Variants in AP2A2 observed in about 807,000 individuals in gnomAD.
The protein encoded by AP2A2 is AP-2 complex subunit alpha-2.
AP2A2 carries 32 observed loss-of-function variants against 104.2 expected under a neutral mutation model. That is an observed-to-expected ratio of 0.31 (90% CI 0.23 to 0.41). The LOEUF (loss-of-function observed/expected upper bound fraction) is 0.41, where lower values mean the gene tolerates loss of function less well. Ranked by LOEUF, AP2A2 falls within the 10% of genes least tolerant of loss-of-function variation. The pLI is 1.00. For missense variants in AP2A2, 912 were observed against 1,261.0 expected, an observed-to-expected ratio of 0.72 and a Z score of 4.19; for synonymous variants, 539 against 533.3, an observed-to-expected ratio of 1.01 and a Z score of -0.15.
At chr11:982,024 G>T (rs1313812032) in intron 6 of AP2A2, among the ~76,000 whole-genome samples, 1 of 152,234 alleles carries the variant, frequency 6.6e-6, no homozygotes, top group Admixed American at 6.5e-5. Context: ...AGTCATCTGG[G>T]TGTATAGTGG....
At chr11:990,240 G>T (rs950085626) in intron 10 of AP2A2, among the ~76,000 whole-genome samples, 9 of 152,346 alleles carry the variant, frequency 5.9e-5, no homozygotes, top group Middle Eastern at 3.4e-3. Flanking sequence ...ACAGGGACGG[G>T]GTGGGCTGAC....
At chr11:946,170 C>A (rs572376696) in intron 1 of AP2A2, among the ~76,000 whole-genome samples, 18 of 152,306 alleles carry the variant, frequency 1.2e-4, no homozygotes, top group African/African-American at 4.3e-4. Flanking sequence ...GAGCTTTTAT[C>A]TGTGAACAAC....
At chr11:928,002 G>A (rs1853173944) in intron 1 of AP2A2, among the ~76,000 whole-genome samples, 1 of 152,140 alleles carries the variant, frequency 6.6e-6, no homozygotes, top group South Asian at 2.1e-4. Context: ...GCGCTATGAT[G>A]TCTGTCCTTC....
At chr11:939,029 G>A (rs1486735814) in intron 1 of AP2A2, among the ~76,000 whole-genome samples, 1 of 151,862 alleles carries the variant, frequency 6.6e-6, no homozygotes, top group Admixed American at 6.6e-5. Flanking sequence ...CGAGGCGGGT[G>A]GATCACGAGG....
chr11:1,009,070 GTCTCTT>G (rs1856309830), intron 18 of AP2A2, 24 bp from the exon 19 acceptor site: 2 of 1,565,916 alleles, frequency 1.3e-6, no homozygotes, highest in Non-Finnish European at 1.8e-6. Context: ...GTAGCTGACT[GTCTCTT>G]TCTGCTGCTG....
chr11:933,415 T>C (rs1853352220), intron 1 of AP2A2: 4 of 413,468 alleles, frequency 9.7e-6, no homozygotes, highest in East Asian at 1.4e-4. Flanking sequence ...AAAGCTGAGC[T>C]GGTTGAAACG....
Position 1,006,151 on chromosome 11 carries a change from C to T in AP2A2, c.2207-377C>T, listed in dbSNP as rs1212892644. On this transcript the variant is annotated intron_variant, in intron 16 of 21. Transcript: ENST00000448903. ...CCGGCAGAGGCCTGTGTGATTGTGG[C>T]GTCCCTGGAAAAGATGCTTGGCAGG... 3.3e-5 allele frequency among the ~76,000 whole-genome samples: 5 copies of T among 152,194 alleles called. No individual in the cohort carries two copies. In the East Asian group the frequency reaches 7.7e-4, roughly 24 times the overall value.
Position 1,003,884 on chromosome 11 carries a change from T to C in AP2A2, c.2206+80T>C. On this transcript the variant is annotated intron_variant, in intron 16 of 21. Transcript: ENST00000448903. ...AGAAAATATTTGCAAATCATATACTTATAAGGGATAGATATCCAGAATATA... is the reference window on the plus strand; with the variant it reads ...AGAAAATATTTGCAAATCATATACTCATAAGGGATAGATATCCAGAATATA... 4.4e-6 allele frequency: 4 copies of C among 906,964 alleles called. No homozygotes were observed. The South Asian group carries it at 5.3e-5, about 12-fold the overall frequency. 56.2% of individuals were successfully genotyped at this position (906,964 alleles called of 1,614,324 possible).
chr11:975,376 T>TA (rs1445613891), intron 4 of AP2A2, among the ~76,000 whole-genome samples: 29 of 145,748 alleles, frequency 2.0e-4, no homozygotes, highest in Non-Finnish European at 2.4e-4. Context: ...GTCTCCCTCT[T>TA]ACGAGCCGAC....
intron 2 of AP2A2, among the ~76,000 whole-genome samples, chr11:963,780 G>T (rs554004030): frequency 6.6e-6 from 1 of 152,160 alleles, no homozygotes; most frequent in Non-Finnish European, 1.5e-5. Context: ...GCACCACCAC[G>T]CCTGGCTAAC....
intron 1 of AP2A2, among the ~76,000 whole-genome samples, chr11:952,370 C>G (rs772049494): frequency 2.6e-5 from 4 of 152,198 alleles, no homozygotes; most frequent in Non-Finnish European, 4.4e-5. Flanking sequence ...CATTAACCAG[C>G]ATGCTGTTCC....
Position 935,423 on chromosome 11 carries a change from C to A in AP2A2, c.67+9335C>A, listed in dbSNP as rs368597357. On this transcript the variant is annotated intron_variant, in intron 1 of 21. Coordinates refer to ENST00000448903, the MANE Select transcript of AP2A2 (RefSeq NM_012305.4). ...CCTCAAGCAATCCACCCACCTCGGC[C>A]TCTCAAAGTGCTGGGATTACAGGCA... Among the ~76,000 whole-genome samples, 8 of 151,948 alleles carry A rather than the reference C, an allele frequency of 5.3e-5. No individual in the cohort carries two copies. The East Asian group carries it at 9.7e-4, about 18-fold the overall frequency.
At chr11:981,129 T>C in intron 5 of AP2A2, 69 bp from the exon 6 acceptor site, 1 of 1,386,430 alleles carries the variant, frequency 7.2e-7, no homozygotes, top group South Asian at 1.3e-5. Context: ...AAGGTTTTCT[T>C]TGGAAGATGA....
chr11:993,814 C>A lies in AP2A2; in HGVS notation c.1611C>A (p.Arg537=), dbSNP rs199926214. The A allele has an allele frequency of 1.2e-6, 2 of 1,607,960 alleles. No individual in the cohort carries two copies. ...TCCACCTGTGCAGCGTCCCCACCCG[C>A]GCGCTGCTCCTGTCCACCTACATCA... is the stretch of plus-strand genomic sequence containing the variant. ...SKFHLCSVPT[R]ALLLSTYIKF... Residue 537 remains arginine (R), a synonymous_variant, in exon 13 of 22, where the codon CGC becomes CGA. Coordinates refer to ENST00000448903, the MANE Select transcript of AP2A2 (RefSeq NM_012305.4). The surrounding 1 kb of genome is among the most constrained non-coding windows in gnomAD (Gnocchi z 8.2).
Position 935,544 on chromosome 11 carries a change from C to T in AP2A2, c.67+9456C>T, listed in dbSNP as rs558499098. Reference sequence around the variant, plus strand: ...CTTGAACTCCTGACCTCAAGTGATGCGCCTGCCTTGGGCCCCCAAAGTGTT... The same window carrying T: ...CTTGAACTCCTGACCTCAAGTGATGTGCCTGCCTTGGGCCCCCAAAGTGTT... On this transcript the variant is annotated intron_variant, in intron 1 of 21. Coordinates refer to ENST00000448903, the MANE Select transcript of AP2A2 (RefSeq NM_012305.4). Among the ~76,000 whole-genome samples, 14 of 149,604 alleles carry T rather than the reference C, an allele frequency of 9.4e-5. No individual in the cohort carries two copies. The East Asian group carries it at 1.8e-3, about 19-fold the overall frequency.
intron 4 of AP2A2, among the ~76,000 whole-genome samples, chr11:975,383 C>T (rs951738019): frequency 5.2e-5 from 6 of 114,462 alleles, no homozygotes; most frequent in East Asian, 2.5e-4. Flanking sequence ...TCTTACGAGC[C>T]GACATTAGTG....
chr11:1,003,697 A>T (rs1319668151), intron 15 of AP2A2, 25 bp from the exon 16 acceptor site: 2 of 1,544,508 alleles, frequency 1.3e-6, no homozygotes, highest in African/African-American at 2.7e-5. Context: ...TTTGAGTGAC[A>T]CATATACTGT....
At chr11:1,006,444 G>T (rs1323056302) in intron 16 of AP2A2, 84 bp from the exon 17 acceptor site, 2 of 941,568 alleles carry the variant, frequency 2.1e-6, no homozygotes, top group Non-Finnish European at 3.4e-6. Context: ...GCTGAAGATT[G>T]TGGGGGGCTC....
chr11:1,003,079 A>C (rs1281666177), intron 15 of AP2A2, among the ~76,000 whole-genome samples: 1 of 152,242 alleles, frequency 6.6e-6, no homozygotes, highest in Non-Finnish European at 1.5e-5. Flanking sequence ...AGCTCTTCTG[A>C]GAGAAACACA....
Sources: gnomAD v4.1 joint callset for allele counts (sites outside exome capture counted in the v4.1 genomes callset) on GRCh38, gnomAD v4.1.1 for gene constraint, Gnocchi (gnomAD v3.1) non-coding constraint, MANE v1.5 for transcripts, NCBI Gene and HGNC (gene_info 2026-07-23, HGNC 2026-07-21) for gene names.